DCLK1: variants seen among roughly 807,000 people sequenced by gnomAD.
The protein encoded by DCLK1 is serine/threonine-protein kinase DCLK1.
DCLK1 carries 16 observed loss-of-function variants against 86.2 expected under a neutral mutation model. The observed-to-expected ratio is 0.19, with a 90% CI of 0.13 to 0.28. The LOEUF is 0.28. Ranked by LOEUF, DCLK1 falls within the 10% of genes least tolerant of loss-of-function variation. The pLI is 1.00. For synonymous variants in DCLK1, 369 were observed against 370.5 expected (o/e 1.00, Z 0.05); for missense variants, 590 against 940.2 (o/e 0.63, Z 4.87).
At chr13:35,947,331 C>T (rs1222544916) in intron 4 of DCLK1, 27 bp downstream of exon 4, 1 of 1,602,124 alleles carries the variant, frequency 6.2e-7, no homozygotes, top group African/African-American at 1.3e-5. Flanking sequence ...CAAATTTCCC[C>T]TGGTTTTGAA....
At chr13:35,976,673 G>A (rs918853708) in intron 3 of DCLK1, among the ~76,000 whole-genome samples, 2 of 151,552 alleles carry the variant, frequency 1.3e-5, no homozygotes, top group Non-Finnish European at 3.0e-5. Flanking sequence ...TGGGACTACA[G>A]GCGCCCGCCA....
chr13:35,979,325 T>C (rs1879522810), intron 3 of DCLK1, among the ~76,000 whole-genome samples: 1 of 151,856 alleles, frequency 6.6e-6, no homozygotes, highest in Admixed American at 6.6e-5. Context: ...TGAGGTTTCA[T>C]GGAAGACAAG....
At chr13:36,126,206 T>C (rs1886179480) in intron 1 of DCLK1, 50 bp from the exon 2 acceptor site, 5 of 1,297,318 alleles carry the variant, frequency 3.9e-6, no homozygotes, top group Non-Finnish European at 5.0e-6. Flanking sequence ...GTAGGTTATA[T>C]ATATATATAT....
chr13:35,866,860 T>C (rs1871830308), intron 5 of DCLK1, among the ~76,000 whole-genome samples: 1 of 152,162 alleles, frequency 6.6e-6, no homozygotes, highest in Non-Finnish European at 1.5e-5. Flanking sequence ...ATGTAATCCA[T>C]ATAGAGACAA....
At chr13:35,856,837 C>T (rs569765252) in intron 5 of DCLK1, among the ~76,000 whole-genome samples, 4 of 152,176 alleles carry the variant, frequency 2.6e-5, no homozygotes, top group Non-Finnish European at 5.9e-5. Context: ...ATTTAACTCA[C>T]AGAATAACTC....
chr13:36,080,462 A>C (rs1884382219), intron 3 of DCLK1, among the ~76,000 whole-genome samples: 1 of 152,208 alleles, frequency 6.6e-6, no homozygotes, highest in Non-Finnish European at 1.5e-5. Context: ...ACACATATTC[A>C]AGGGAAATAT....
At chr13:35,848,112 G>A (rs1321851349) in intron 6 of DCLK1, 2 of 985,042 alleles carry the variant, frequency 2.0e-6, no homozygotes, top group Non-Finnish European at 2.4e-6. Context: ...ACTACAGCAC[G>A]ATGTCTTCAG....
intron 3 of DCLK1, among the ~76,000 whole-genome samples, chr13:36,045,330 G>GTATATA (rs1316034070): frequency 7.2e-4 from 41 of 56,578 alleles, no homozygotes; most frequent in East Asian, 2.7e-3. Flanking sequence ...GTGTGTGTGT[G>GTATATA]TGTATATATA....
At chr13:35,778,136 G>A (rs527858122) in intron 16 of DCLK1, among the ~76,000 whole-genome samples, 1 of 152,272 alleles carries the variant, frequency 6.6e-6, no homozygotes, top group Non-Finnish European at 1.5e-5. Flanking sequence ...TGAGATATGA[G>A]AAAGTACAAT....
intron 9 of DCLK1, 138 bp downstream of exon 9, chr13:35,828,112 T>C: frequency 1.5e-6 from 1 of 678,016 alleles, no homozygotes; most frequent in Non-Finnish European, 2.5e-6. Flanking sequence ...CATAAAGTTA[T>C]ATTCTAGTAA....
At chr13:35,980,053 T>C (rs796887859) in intron 3 of DCLK1, among the ~76,000 whole-genome samples, 7 of 152,292 alleles carry the variant, frequency 4.6e-5, no homozygotes, top group East Asian at 3.9e-4. Context: ...CATTTTTGAG[T>C]GTACAGTTTA....
At chr13:35,833,668 A>T (rs1869139573) in intron 8 of DCLK1, among the ~76,000 whole-genome samples, 1 of 152,218 alleles carries the variant, frequency 6.6e-6, no homozygotes, top group Non-Finnish European at 1.5e-5. Flanking sequence ...GGAGAGGCAT[A>T]TTCACCCTTG....
At chr13:36,064,740 T>C (rs1309929502) in intron 3 of DCLK1, among the ~76,000 whole-genome samples, 1 of 146,350 alleles carries the variant, frequency 6.8e-6, no homozygotes, top group African/African-American at 2.5e-5. Context: ...GGGTCTATTG[T>C]ACAAAAAAAA....
intron 4 of DCLK1, among the ~76,000 whole-genome samples, chr13:35,942,190 G>A (rs935500187): frequency 5.3e-5 from 8 of 151,604 alleles, no homozygotes; most frequent in African/African-American, 1.7e-4. Context: ...TTTTTGAGAC[G>A]GAGTCTTGAT....
intron 1 of DCLK1, among the ~76,000 whole-genome samples, chr13:36,130,536 A>G (rs896907159): frequency 1.3e-5 from 2 of 152,162 alleles, no homozygotes; most frequent in African/African-American, 4.8e-5. Flanking sequence ...GCAAGCTTTT[A>G]GCACTGCAGG....
intron 3 of DCLK1, among the ~76,000 whole-genome samples, chr13:36,080,425 G>T (rs1884380753): frequency 6.6e-6 from 1 of 152,106 alleles, no homozygotes; most frequent in African/African-American, 2.4e-5. Flanking sequence ...GTCCATGTCG[G>T]GTTATCTTAC....
At chr13:36,100,207 A>AAAAAAAC in intron 3 of DCLK1, among the ~76,000 whole-genome samples, 1 of 95,842 alleles carries the variant, frequency 1.0e-5, no homozygotes, top group Non-Finnish European at 2.3e-5. Context: ...AAAAAAAAAA[A>AAAAAAAC]AAAAAACCAC....
chr13:35,892,908 G>A (rs1315345051), intron 4 of DCLK1, among the ~76,000 whole-genome samples: 3 of 152,182 alleles, frequency 2.0e-5, no homozygotes, highest in Non-Finnish European at 4.4e-5. Context: ...AAGCATAAAT[G>A]GAAAGCCCTT....
At chr13:36,105,946 GA>G (rs1885378837) in intron 3 of DCLK1, among the ~76,000 whole-genome samples, 1 of 152,120 alleles carries the variant, frequency 6.6e-6, no homozygotes, top group Admixed American at 6.6e-5. Context: ...AGAAGCAAGA[GA>G]ACTCACCACC....
Sources: allele counts gnomAD v4.1 joint callset (sites outside exome capture counted in the v4.1 genomes callset), GRCh38; gene constraint gnomAD v4.1.1; transcripts MANE v1.5; gene names NCBI Gene and HGNC (gene_info 2026-07-23, HGNC 2026-07-21).